The following PTPRK variants were observed in gnomAD, a reference collection of about 807,000 sequenced individuals.
PTPRK encodes protein tyrosine phosphatase receptor type K, also known as receptor-type tyrosine-protein phosphatase kappa.
A neutral mutation model predicts 178.0 loss-of-function variants in PTPRK; 75 were observed. That is an observed-to-expected ratio of 0.42 (90% CI 0.35 to 0.51). PTPRK has a LOEUF of 0.51. Ranked by LOEUF, PTPRK falls within the 20% of genes least tolerant of loss-of-function variation. The pLI is 0.02. For missense variants in PTPRK, 1,441 were observed against 1,797.8 expected, an observed-to-expected ratio of 0.80 and a Z score of 3.59; for synonymous variants, 637 against 620.6, an observed-to-expected ratio of 1.03 and a Z score of -0.39.
chr6:128,008,056 TA>T, intron 14 of PTPRK: 1 of 1,349,188 alleles, frequency 7.4e-7, no homozygotes, highest in Non-Finnish European at 9.9e-7. Flanking sequence ...CTAATGTTTC[TA>T]ATGCAGATGT....
chr6:128,421,920 T>G (rs1218518756), intron 1 of PTPRK, among the ~76,000 whole-genome samples: 1 of 152,216 alleles, frequency 6.6e-6, no homozygotes, highest in Non-Finnish European at 1.5e-5. Context: ...AATTCATGAT[T>G]CATGAGGCTA....
At chr6:128,181,425 A>T (rs1404475117) in intron 7 of PTPRK, among the ~76,000 whole-genome samples, 1 of 152,068 alleles carries the variant, frequency 6.6e-6, no homozygotes, top group East Asian at 1.9e-4. Flanking sequence ...CAATCAGATT[A>T]TATTAATGGC....
In PTPRK at chr6:128,083,705, C is replaced by T. The variant is rs1454260195; in HGVS notation, c.1575+10G>A. Reference sequence around the variant, plus strand: ...CCACATTTCAATTAACTTCCTTGTTCTCCCAATACCTCATATTGAGTGATG... The same window carrying T: ...CCACATTTCAATTAACTTCCTTGTTTTCCCAATACCTCATATTGAGTGATG... On this transcript the variant is annotated intron_variant, in intron 9 of 29. Transcript: ENST00000368226. 3.3e-6 allele frequency: 5 copies of T among 1,501,586 alleles called. No individual in the cohort carries two copies. Among genetic ancestry groups the T allele is most frequent in the African/African-American group, 1.4e-5 (1 of 71,100 alleles). 93.0% of individuals were successfully genotyped at this position (1,501,586 alleles called of 1,614,324 possible).
rs142786120 is a variant in PTPRK, at chr6:128,247,940, T to C, written c.496-5338A>G. ...CCTATAAACCTCCTTAAATTCATGT[T>C]TTTTATTTTAATATTTAAACATTAA... is the stretch of plus-strand genomic sequence containing the variant. On this transcript the variant is annotated intron_variant, in intron 3 of 29. Transcript: ENST00000368226. Among the ~76,000 whole-genome samples, 904 of 152,334 alleles carry C rather than the reference T, an allele frequency of 5.9e-3. 2 individuals are homozygous for C. The highest frequency in any genetic ancestry group is 0.02 in the Middle Eastern group (6 of 294).
intron 14 of PTPRK, chr6:128,005,937 C>A: frequency 1.9e-6 from 2 of 1,049,074 alleles, no homozygotes; most frequent in Admixed American, 3.3e-5. Context: ...GAAATGTCAC[C>A]AAAATTGCAA....
chr6:128,052,429 T>G (rs1779171608), intron 13 of PTPRK, among the ~76,000 whole-genome samples: 1 of 152,222 alleles, frequency 6.6e-6, no homozygotes, highest in Non-Finnish European at 1.5e-5. Context: ...TTTGGTCCCC[T>G]TCAGCCTGCG....
chr6:128,207,280 C>T (rs762402633), intron 6 of PTPRK, among the ~76,000 whole-genome samples: 35 of 152,144 alleles, frequency 2.3e-4, no homozygotes, highest in African/African-American at 2.4e-4. Flanking sequence ...CAGCTAAGTA[C>T]CCTCTCCCCG....
At chr6:128,181,134 A>G (rs903597320) in intron 7 of PTPRK, among the ~76,000 whole-genome samples, 1 of 152,088 alleles carries the variant, frequency 6.6e-6, no homozygotes, top group Non-Finnish European at 1.5e-5. Context: ...CCACAAAAAA[A>G]CCTACATTTA....
chr6:128,504,581 A>T (rs1856054388), intron 1 of PTPRK, among the ~76,000 whole-genome samples: 1 of 152,216 alleles, frequency 6.6e-6, no homozygotes, highest in Admixed American at 6.5e-5. Context: ...TGGGATGTGC[A>T]TTCCTGATAA....
intron 14 of PTPRK, among the ~76,000 whole-genome samples, chr6:128,006,632 CATG>C (rs1778452571): frequency 1.3e-5 from 2 of 150,876 alleles, no homozygotes; most frequent in South Asian, 4.1e-4. Context: ...TGCATGTGAA[CATG>C]ATATCATACA....
chr6:128,429,755 C>G (rs1562502747), intron 1 of PTPRK, among the ~76,000 whole-genome samples: 1 of 152,090 alleles, frequency 6.6e-6, no homozygotes, highest in Non-Finnish European at 1.5e-5. Context: ...CTTAGTGACT[C>G]AGAATGTAAA....
intron 7 of PTPRK, among the ~76,000 whole-genome samples, chr6:128,176,113 A>C (rs1801032128): frequency 6.6e-6 from 1 of 151,848 alleles, no homozygotes; most frequent in South Asian, 2.1e-4. Context: ...GTGGTATCTA[A>C]ATTTTTAAAA....
intron 24 of PTPRK, 132 bp downstream of exon 24, chr6:127,982,699 A>C: frequency 4.5e-6 from 3 of 663,062 alleles, no homozygotes; most frequent in Non-Finnish European, 7.4e-6. Context: ...GTATAATGAA[A>C]GAGATACGTA....
At chr6:128,092,060 A>C (rs1187364526) in intron 7 of PTPRK, among the ~76,000 whole-genome samples, 1 of 152,196 alleles carries the variant, frequency 6.6e-6, no homozygotes, top group Non-Finnish European at 1.5e-5. Context: ...CACTCATTGT[A>C]TTAAAAACTC....
chr6:128,011,776 A>G (rs988252029), intron 13 of PTPRK, among the ~76,000 whole-genome samples: 2 of 151,218 alleles, frequency 1.3e-5, no homozygotes, highest in African/African-American at 4.8e-5. Context: ...TATTTCCAGA[A>G]ATAAAAAGCC....
chr6:128,108,294 AT>A (rs1433815359), intron 7 of PTPRK, among the ~76,000 whole-genome samples: 3 of 152,226 alleles, frequency 2.0e-5, no homozygotes, highest in African/African-American at 7.2e-5. Flanking sequence ...GACATTATCA[AT>A]AAAAATGCAA....
rs1240118106 is a variant in PTPRK, at chr6:128,207,543, T to C, written c.868+11379A>G. ...TCTATAAACCTCAGCAACACAAACA[T>C]AGACAGATACAGATGCCTCTGAGTG... On this transcript the variant is annotated intron_variant, in intron 6 of 29. Transcript: ENST00000368226. Among the ~76,000 whole-genome samples, 5 of 152,138 alleles carry C rather than the reference T, an allele frequency of 3.3e-5. No individual in the cohort carries two copies. In the East Asian group the frequency reaches 5.8e-4, roughly 18 times the overall value.
chr6:128,409,064 T>C (rs1177169891), intron 1 of PTPRK, among the ~76,000 whole-genome samples: 1 of 152,154 alleles, frequency 6.6e-6, no homozygotes, highest in East Asian at 1.9e-4. Context: ...TCATAGGAGA[T>C]ATGTGACATA....
chr6:128,443,520 T>G (rs901182889), intron 1 of PTPRK, among the ~76,000 whole-genome samples: 15 of 152,098 alleles, frequency 9.9e-5, no homozygotes, highest in African/African-American at 3.1e-4. Context: ...GAGGGAACAC[T>G]AGATTAGGGA....
Sources: allele counts gnomAD v4.1 joint callset (sites outside exome capture counted in the v4.1 genomes callset), GRCh38; gene constraint gnomAD v4.1.1; transcripts MANE v1.5; gene names NCBI Gene and HGNC (gene_info 2026-07-23, HGNC 2026-07-21).